Variants in USP36 observed in about 807,000 individuals in gnomAD.
USP36 encodes ubiquitin specific peptidase 36.
Under a neutral mutation model 111.5 loss-of-function variants are expected in USP36, and 59 were observed. The ratio of observed to expected loss-of-function variants is 0.53; its 90% CI spans 0.43 to 0.66. The LOEUF is 0.66. Ranked by LOEUF, USP36 falls within the 30% of genes least tolerant of loss-of-function variation. USP36 has a pLI of 0.00. For synonymous variants in USP36, 628 were observed against 581.0 expected (o/e 1.08, Z -1.16); for missense variants, 1,488 against 1,468.0 (o/e 1.01, Z -0.22).
Position 78,807,285 on chromosome 17 carries a change from C to G in USP36, c.1759G>C (p.Ala587Pro). ...CCATGCCCGTTGGCAGTGGCTGTAGCCAGGAGCTTAGGTGAGGTAGAGAGG... is the reference window on the plus strand; with the variant it reads ...CCATGCCCGTTGGCAGTGGCTGTAGGCAGGAGCTTAGGTGAGGTAGAGAGG... ...VVLSTSPKLLATATANGHGLK... is the reference protein window; with the variant it reads ...VVLSTSPKLLPTATANGHGLK... Residue 587 changes from alanine to proline, a missense_variant, in exon 14 of 21, where the codon GCT becomes CCT. This residue lies in a region of USP36 where 1,073 missense variants were observed against 994.1 expected (regional missense o/e 1.08). Transcript: ENST00000449938. 1 of 1,614,138 alleles carries G rather than the reference C, an allele frequency of 6.2e-7. No individual in the cohort carries two copies. The highest frequency in any genetic ancestry group is 8.5e-7 in the Non-Finnish European group (1 of 1,180,010).
Position 78,806,191 on chromosome 17 carries a change from G to T in USP36, c.2181C>A (p.Pro727=). 1 of 1,613,440 alleles carries T rather than the reference G, an allele frequency of 6.2e-7. No homozygotes were observed. Among genetic ancestry groups the T allele is most frequent in the Non-Finnish European group, 8.5e-7 (1 of 1,179,926 alleles). Residue 727 remains proline, a synonymous_variant, in exon 15 of 21, where the codon CCC becomes CCA. Coordinates refer to ENST00000449938, the MANE Select transcript of USP36 (RefSeq NM_001385174.1). ...GGACGGGCCAAGTGGAGGCAACGACGGGGTGAGAGGTTTTCATGGGGTGGG... is the reference window on the plus strand; with the variant it reads ...GGACGGGCCAAGTGGAGGCAACGACTGGGTGAGAGGTTTTCATGGGGTGGG... ...DLTHPMKTSH[P]VVASTWPVHR...
At position 78,836,283 on chromosome 17, in the gene USP36, A is replaced by G. The variant is rs2068658849; in HGVS notation, c.81T>C (p.Leu27=). ...DSADDGELGK[L]LASSAKKVLL... ...GGACCTTCTTGGCAGAGGAGGCAAG[A>G]AGCTTCCCCAGTTCTCCATCATCAG... The change falls in exon 3 of 21, where the codon CTT becomes CTC. Residue 27 remains leucine (L), a synonymous_variant. Coordinates refer to ENST00000449938, the MANE Select transcript of USP36 (RefSeq NM_001385174.1). The G allele has an allele frequency of 6.2e-7, 1 of 1,614,134 alleles. No homozygotes were observed. The highest frequency in any genetic ancestry group is 1.3e-5 in the African/African-American group (1 of 75,040).
rs2094106044 is a variant in USP36, at chr17:78,813,071, A to C, written c.1266-70T>G. 5.7e-6 allele frequency: 9 copies of C among 1,590,648 alleles called. No homozygotes were observed. In the South Asian group the frequency reaches 1.0e-4, roughly 18 times the overall value. ...TACAGAAACGGAGAGAATTAGAATA[A>C]GTTAAGGCGGGGCAAAGGCAGAAAC... On this transcript the variant is annotated intron_variant, in intron 12 of 20. Transcript: ENST00000449938.
At chr17:78,792,689 GCTCA>G (rs983225976), downstream of USP36, among the ~76,000 whole-genome samples, 7 of 152,190 alleles carry the variant, frequency 4.6e-5, no homozygotes, top group African/African-American at 1.4e-4. Flanking sequence ...CAACTCTGCT[GCTCA>G]CTATGATCCC....
At chr17:78,799,875 G>C (rs1598970257) in intron 17 of USP36, 107 bp from the exon 18 acceptor site, 9 of 215,032 alleles carry the variant, frequency 4.2e-5, no homozygotes, top group Non-Finnish European at 4.8e-5. Context: ...GTGGATGCTT[G>C]CCTTTTTTTT....
At position 78,836,143 on chromosome 17, in the gene USP36, T is replaced by A. The variant is rs767961453; in HGVS notation, c.221A>T (p.Lys74Met). 8.1e-6 allele frequency: 13 copies of A among 1,613,912 alleles called. No individual in the cohort carries two copies. Among genetic ancestry groups the A allele is most frequent in the Non-Finnish European group, 1.1e-5 (13 of 1,180,032 alleles). Residue 74 changes from lysine (K) to methionine (M), a missense_variant, in exon 3 of 21, where the codon AAG (lysine) becomes ATG (methionine). Physicochemically the swap from Lys to Met is moderately conservative, Grantham distance 95. Transcript: ENST00000449938. ...CCTGGCCGGTGGGTCATCTCCACTC[T>A]TGTGGCGACTAGCTCCCTCTGTTTT... Reference protein sequence around the residue: ...NPKTEGASRHKSGDDPPARRQ... With the variant: ...NPKTEGASRHMSGDDPPARRQ...
chr17:78,807,746 C>T (rs2093947297), intron 13 of USP36, 110 bp from the exon 14 acceptor site: 1 of 1,078,584 alleles, frequency 9.3e-7, no homozygotes, highest in South Asian at 1.9e-5. Context: ...CTCTGATTAG[C>T]ATGCTCAAGA....
intron 6 of USP36, among the ~76,000 whole-genome samples, chr17:78,822,600 GCTCA>G (rs2094356609): frequency 6.6e-6 from 1 of 152,188 alleles, no homozygotes; most frequent in Non-Finnish European, 1.5e-5. Context: ...CCCCCGCACC[GCTCA>G]CTAACTGGGA....
rs1188955463 is a variant in USP36 at position 78,814,452 on chromosome 17, C to T, written c.1124G>A (p.Gly375Asp). 1.9e-6 allele frequency: 3 copies of T among 1,614,032 alleles called. No homozygotes were observed. Among genetic ancestry groups the T allele is most frequent in the African/African-American group, 2.7e-5 (2 of 74,918 alleles). Residue 375 changes from glycine to aspartate, a missense_variant, in exon 11 of 21, where the codon GGC (glycine) becomes GAC (aspartate). Gly to Asp is a moderately conservative substitution (Grantham distance 94). Transcript: ENST00000449938. ...YGLYAVLVHSGYSCHAGHYYC... is the reference protein window; with the variant it reads ...YGLYAVLVHSDYSCHAGHYYC... ...ATAGTGCCCGGCATGGCAGCTGTAG[C>T]CCGAGTGCACCAGGACAGCATAGAG... is the stretch of plus-strand genomic sequence containing the variant.
chr17:78,835,941 C>T (rs144099986), intron 3 of USP36, 170 bp downstream of exon 3: 303 of 975,230 alleles, frequency 3.1e-4, no homozygotes, highest in Non-Finnish European at 4.0e-4. Context: ...TTCCTTGCTA[C>T]CAACCCTGTA....
intron 3 of USP36, among the ~76,000 whole-genome samples, chr17:78,790,092 C>CT (rs113006106): frequency 0.034 from 4,963 of 145,658 alleles, 193 homozygotes; most frequent in African/African-American, 0.094. Flanking sequence ...AGAATAATAC[C>CT]TTTTTTTTTT....
At chr17:78,816,738 A>G (rs917254849) in intron 10 of USP36, among the ~76,000 whole-genome samples, 1 of 152,166 alleles carries the variant, frequency 6.6e-6, no homozygotes, top group African/African-American at 2.4e-5. Flanking sequence ...CAGCCTCCCT[A>G]AGTGCTGACA....
chr17:78,821,231 C>A, intron 7 of USP36, 170 bp from the exon 8 acceptor site: 1 of 598,430 alleles, frequency 1.7e-6, no homozygotes, highest in Admixed American at 3.1e-5. Flanking sequence ...TCTCTTTCAC[C>A]ACTGAAGTTC....
intron 4 of USP36, among the ~76,000 whole-genome samples, chr17:78,830,665 T>C (rs1317875396): frequency 6.6e-6 from 1 of 152,148 alleles, no homozygotes; most frequent in Non-Finnish European, 1.5e-5. Flanking sequence ...TTCCCCGCAA[T>C]ATCTCCAACT....
Position 78,798,702 on chromosome 17 carries a change from C to T in USP36, c.3241-151G>A. On this transcript the variant is annotated intron_variant, in intron 19 of 20. Coordinates refer to ENST00000449938, the MANE Select transcript of USP36 (RefSeq NM_001385174.1). This position sits in a 1 kb window ranked among gnomAD's most constrained non-coding sequence, Gnocchi z 5.1. ...TCACAATGACCCCTGTGCACGGCGA[C>T]CTGCAGTCCCCCTATTGACAAAGGG... The T allele has an allele frequency of 7.7e-7, 1 of 1,304,808 alleles. No homozygotes were observed. The highest frequency in any genetic ancestry group is 1.3e-5 in the South Asian group (1 of 74,500). The allele number at this position is 1,304,808 out of a possible 1,614,324, so 80.8% of individuals were successfully genotyped here. A position where few individuals can be genotyped will look rare whatever the true frequency, so the allele number is the denominator to read the frequency against.
chr17:78,798,406 C>A lies in USP36; in HGVS notation c.*14G>T, dbSNP rs1271036845. The A allele has an allele frequency of 1.2e-6, 2 of 1,613,978 alleles. No homozygotes were observed. Among genetic ancestry groups the A allele is most frequent in the African/African-American group, 1.3e-5 (1 of 74,932 alleles). On this transcript the variant is annotated 3_prime_UTR_variant, in exon 20 of 21. Coordinates refer to ENST00000449938, the MANE Select transcript of USP36 (RefSeq NM_001385174.1). The surrounding 1 kb of genome is among the most constrained non-coding windows in gnomAD (Gnocchi z 5.1). ...CCACCCCCTCGGAACCGACCTCCTT[C>A]CACAGGGGCACAGTCAGCGGCGATA...
intron 5 of USP36, among the ~76,000 whole-genome samples, chr17:78,828,260 T>C (rs1567963161): frequency 6.6e-6 from 1 of 152,166 alleles, no homozygotes; most frequent in African/African-American, 2.4e-5. Context: ...CAAAAGCCAA[T>C]ATAAAACACA....
chr17:78,803,556 G>T lies in USP36; in HGVS notation c.2639C>A (p.Ala880Glu). ...GSPMYRREGQAQLPAVRRQED... is the reference protein window; with the variant it reads ...GSPMYRREGQEQLPAVRRQED... ...CTGCCGTCTGACAGCGGGCAGCTGTGCCTGGCCCTCCCTCCTGTACATGGG... is the reference window on the plus strand; with the variant it reads ...CTGCCGTCTGACAGCGGGCAGCTGTTCCTGGCCCTCCCTCCTGTACATGGG... Residue 880 changes from alanine (A) to glutamate (E), a missense_variant, in exon 16 of 21, where the codon GCA becomes GAA. Ala to Glu is a moderately radical substitution (Grantham distance 107). Around this residue, in one of 3 missense-constraint regions of USP36, gnomAD observed 1,073 missense variants for 994.1 expected, o/e 1.08. Coordinates refer to ENST00000449938, the MANE Select transcript of USP36 (RefSeq NM_001385174.1). The surrounding 1 kb of genome is among the most constrained non-coding windows in gnomAD (Gnocchi z 4.6). 1 of 1,613,464 alleles carries T rather than the reference G, an allele frequency of 6.2e-7. No individual in the cohort carries two copies.
chr17:78,823,524 G>C (rs1271408360), intron 6 of USP36, among the ~76,000 whole-genome samples: 2 of 152,188 alleles, frequency 1.3e-5, no homozygotes, highest in Admixed American at 1.3e-4. Context: ...TGGGGACAAA[G>C]GGCAGTAGAG....
Sources: gnomAD v4.1 joint callset for allele counts (sites outside exome capture counted in the v4.1 genomes callset) on GRCh38, gnomAD v4.1.1 for gene constraint, gnomAD v4.1.1 regional missense constraint, Gnocchi (gnomAD v3.1) non-coding constraint, MANE v1.5 for transcripts, NCBI Gene and HGNC (gene_info 2026-07-23, HGNC 2026-07-21) for gene names.